The following TPH2 variants were observed in gnomAD, a reference collection of about 807,000 sequenced individuals.
The protein encoded by TPH2 is tryptophan hydroxylase 2, also known as tryptophan 5-hydroxylase 2.
Under a neutral mutation model 59.1 loss-of-function variants are expected in TPH2, and 27 were observed. The observed-to-expected ratio is 0.46, with a 90% CI of 0.34 to 0.63. TPH2 has a LOEUF of 0.63. TPH2 is among the 30% of genes least tolerant of loss of function. TPH2 has a pLI of 0.01. For missense variants in TPH2, 523 were observed against 588.3 expected (o/e 0.89, Z 1.15); for synonymous variants, 220 against 210.5 (o/e 1.05, Z -0.39).
In TPH2 at chr12:72,031,705, C is replaced by T; in HGVS notation, c.*10C>T. 6.2e-7 allele frequency: 1 copy of T among 1,613,238 alleles called. No homozygotes were observed. The highest frequency in any genetic ancestry group is 8.5e-7 in the Non-Finnish European group (1 of 1,179,260). The stretch of plus-strand genomic sequence containing the variant: ...ATATCTGGGGATTTGATGCCTGGAA[C>T]TATGTTGTTGCCAGCATGATCTTTT... On this transcript the variant is annotated 3_prime_UTR_variant, in exon 11 of 11. Coordinates refer to ENST00000333850, the MANE Select transcript of TPH2 (RefSeq NM_173353.4).
At chr12:71,986,869 T>A (rs1043755470) in intron 7 of TPH2, among the ~76,000 whole-genome samples, 1 of 152,130 alleles carries the variant, frequency 6.6e-6, no homozygotes, top group Non-Finnish European at 1.5e-5. Flanking sequence ...CCAGGAGTAT[T>A]TGCATTTTTA....
chr12:71,995,859 A>G (rs543112827), intron 8 of TPH2, among the ~76,000 whole-genome samples: 1 of 152,328 alleles, frequency 6.6e-6, no homozygotes, highest in Non-Finnish European at 1.5e-5. Context: ...AAAAAGTCCC[A>G]CCATTATAGC....
chr12:71,962,506 A>G, intron 5 of TPH2: 1 of 985,176 alleles, frequency 1.0e-6, no homozygotes, highest in Non-Finnish European at 1.2e-6. Context: ...AAACCCTTAT[A>G]TGTAAATTGT....
intron 8 of TPH2, among the ~76,000 whole-genome samples, chr12:72,001,482 A>G (rs1872820616): frequency 6.6e-6 from 1 of 151,670 alleles, no homozygotes; most frequent in African/African-American, 2.4e-5. Context: ...CCAAAGTGCA[A>G]TGGCGTGATC....
At chr12:72,021,497 A>G (rs550065917) in intron 8 of TPH2, among the ~76,000 whole-genome samples, 1 of 151,708 alleles carries the variant, frequency 6.6e-6, no homozygotes, top group East Asian at 1.9e-4. Context: ...ATATGCATTC[A>G]GTAGAAAACA....
chr12:71,979,953 TACAG>T (rs66843208), intron 7 of TPH2, among the ~76,000 whole-genome samples: 86,855 of 151,114 alleles, frequency 0.57, 25,126 homozygotes, highest in Middle Eastern at 0.6. Context: ...ATGGTTAGCA[TACAG>T]ACAGACAGAC....
At chr12:71,982,336 A>G (rs1203615529) in intron 7 of TPH2, among the ~76,000 whole-genome samples, 2 of 152,090 alleles carry the variant, frequency 1.3e-5, no homozygotes, top group Admixed American at 1.3e-4. Context: ...ATACATATGC[A>G]TAATTCAGAA....
chr12:72,018,208 A>G (rs1203747296), intron 8 of TPH2, among the ~76,000 whole-genome samples: 2 of 152,164 alleles, frequency 1.3e-5, no homozygotes, highest in Non-Finnish European at 2.9e-5. Flanking sequence ...AGATGGCACT[A>G]TGTAAGGCCA....
chr12:72,031,894 G>T lies in TPH2; in HGVS notation c.*199G>T. On this transcript the variant is annotated 3_prime_UTR_variant, in exon 11 of 11. Transcript: ENST00000333850. ...ATCCAATGGCAGATAACCACTCATT[G>T]TATGAAATAACGTATTATGTTTAAA... 4.7e-6 allele frequency: 3 copies of T among 635,000 alleles called. No homozygotes were observed. The highest frequency in any genetic ancestry group is 3.6e-5 in the South Asian group (2 of 55,098). 39.3% of individuals were successfully genotyped at this position (635,000 alleles called of 1,614,324 possible). A position where few individuals can be genotyped will look rare whatever the true frequency, so the allele number is the denominator to read the frequency against.
At chr12:72,014,899 G>C (rs927191302) in intron 8 of TPH2, among the ~76,000 whole-genome samples, 2 of 152,168 alleles carry the variant, frequency 1.3e-5, no homozygotes, top group African/African-American at 4.8e-5. Context: ...GACCTCCATA[G>C]TTTAAGCAAT....
intron 5 of TPH2, among the ~76,000 whole-genome samples, chr12:71,971,477 T>C (rs1026012738): frequency 1.3e-5 from 2 of 152,208 alleles, no homozygotes; most frequent in Non-Finnish European, 2.9e-5. Flanking sequence ...CCTCAAGCAA[T>C]AGCTTACAAA....
At chr12:72,016,470 G>T (rs1873257696) in intron 8 of TPH2, among the ~76,000 whole-genome samples, 1 of 151,972 alleles carries the variant, frequency 6.6e-6, no homozygotes, top group Admixed American at 6.6e-5. Context: ...AGATAACTAG[G>T]GTCTGAGGAC....
At chr12:72,031,472 T>A in intron 10 of TPH2, 49 bp from the exon 11 acceptor site, 1 of 1,612,952 alleles carries the variant, frequency 6.2e-7, no homozygotes. Context: ...CTATCCCTCG[T>A]ACCAATGAGG....
chr12:71,987,407 T>G (rs1566143486), intron 7 of TPH2, among the ~76,000 whole-genome samples: 1 of 152,328 alleles, frequency 6.6e-6, no homozygotes, highest in East Asian at 1.9e-4. Flanking sequence ...AACTTACTCC[T>G]TTTTAAGTGA....
intron 8 of TPH2, among the ~76,000 whole-genome samples, chr12:72,009,987 G>A (rs1873057025): frequency 6.6e-6 from 1 of 152,158 alleles, no homozygotes; most frequent in Admixed American, 6.5e-5. Context: ...CTCCATGTCA[G>A]TTTCCCCATG....
chr12:71,988,178 G>A (rs886160947), intron 7 of TPH2, among the ~76,000 whole-genome samples: 16 of 152,086 alleles, frequency 1.1e-4, no homozygotes, highest in African/African-American at 3.9e-4. Flanking sequence ...CTGACTGTAG[G>A]GTATATGCTT....
intron 5 of TPH2, chr12:71,964,395 G>A (rs908251149): frequency 1.7e-6 from 1 of 602,640 alleles, no homozygotes; most frequent in Non-Finnish European, 2.1e-6. Flanking sequence ...CGATTCTCCT[G>A]CCTCAGTCTC....
chr12:72,024,276 G>A (rs1266028069), intron 9 of TPH2, among the ~76,000 whole-genome samples: 2 of 152,210 alleles, frequency 1.3e-5, no homozygotes, highest in Non-Finnish European at 2.9e-5. Flanking sequence ...GGGTAAATAA[G>A]GAAAGGATGG....
At chr12:72,004,337 C>T (rs990234) in intron 8 of TPH2, among the ~76,000 whole-genome samples, 122,151 of 150,156 alleles carry the variant, frequency 0.81, 50,516 homozygotes, top group East Asian at 0.91. Flanking sequence ...GTAAAGGAGA[C>T]GGCATACTTT....
Sources: allele counts gnomAD v4.1 joint callset (sites outside exome capture counted in the v4.1 genomes callset), GRCh38; gene constraint gnomAD v4.1.1; transcripts MANE v1.5; gene names NCBI Gene and HGNC (gene_info 2026-07-23, HGNC 2026-07-21).